The following NEK1 variants were observed in gnomAD, a reference collection of about 807,000 sequenced individuals.
NEK1 encodes the protein serine/threonine-protein kinase Nek1.
A neutral mutation model predicts 182.1 loss-of-function variants in NEK1; 137 were observed. That is an observed-to-expected ratio of 0.75 (90% confidence interval 0.65 to 0.87). NEK1 has a LOEUF of 0.87. NEK1 is among the 40% of genes least tolerant of loss of function. The pLI is 0.00. For synonymous variants in NEK1, 513 were observed against 492.2 expected (o/e 1.04, Z -0.56); for missense variants, 1,391 against 1,494.4 (o/e 0.93, Z 1.14).
At chr4:169,453,674 C>A (rs1742282240) in intron 27 of NEK1, among the ~76,000 whole-genome samples, 1 of 152,194 alleles carries the variant, frequency 6.6e-6, no homozygotes, top group Non-Finnish European at 1.5e-5. Context: ...AGTTAACTAG[C>A]CCAACCTATT....
chr4:169,504,927 C>T (rs565379766), intron 23 of NEK1, among the ~76,000 whole-genome samples: 17 of 152,108 alleles, frequency 1.1e-4, no homozygotes, highest in Non-Finnish European at 2.1e-4. Flanking sequence ...TGATAGATAC[C>T]CATTTACCCT....
chr4:169,586,718 GA>G (rs557833569), intron 9 of NEK1, among the ~76,000 whole-genome samples: 3 of 143,246 alleles, frequency 2.1e-5, no homozygotes, highest in South Asian at 2.2e-4. Context: ...CCTTAAGAAA[GA>G]AAAAAAAAAC....
At chr4:169,577,554 T>C (rs1200357952) in intron 11 of NEK1, among the ~76,000 whole-genome samples, 1 of 151,802 alleles carries the variant, frequency 6.6e-6, no homozygotes, top group Non-Finnish European at 1.5e-5. Context: ...GATCACGAGG[T>C]CAGGAGATCT....
chr4:169,423,065 G>A (rs930235567), intron 31 of NEK1, among the ~76,000 whole-genome samples: 8 of 152,058 alleles, frequency 5.3e-5, no homozygotes, highest in Non-Finnish European at 1.5e-5. Flanking sequence ...CAAAATGAAA[G>A]TATACCCAGT....
intron 26 of NEK1, among the ~76,000 whole-genome samples, chr4:169,475,381 T>C (rs768622143): frequency 6.6e-6 from 1 of 152,174 alleles, no homozygotes; most frequent in Non-Finnish European, 1.5e-5. Context: ...TAAATGGGTA[T>C]AATTAGCATT....
At chr4:169,551,059 C>T (rs1761355521) in intron 18 of NEK1, among the ~76,000 whole-genome samples, 1 of 152,150 alleles carries the variant, frequency 6.6e-6, no homozygotes, top group Non-Finnish European at 1.5e-5. Flanking sequence ...TGCACAAGTG[C>T]CCAATTAAAT....
chr4:169,505,498 T>A (rs1383285665), intron 23 of NEK1, among the ~76,000 whole-genome samples: 1 of 152,246 alleles, frequency 6.6e-6, no homozygotes, highest in East Asian at 1.9e-4. Context: ...ATAAAATATA[T>A]GTTACTCTAT....
rs898967564 is a variant in NEK1, at chr4:169,511,651, T to C, written c.1666-2799A>G. On this transcript the variant is annotated intron_variant, in intron 19 of 35. Coordinates refer to ENST00000507142, the MANE Select transcript of NEK1 (RefSeq NM_001199397.3). ...AGGAAACTGACATTGATTCAAATTATAGATATAATCTTTTATTTGTGCCGT... is the reference window on the plus strand; with the variant it reads ...AGGAAACTGACATTGATTCAAATTACAGATATAATCTTTTATTTGTGCCGT... Among the ~76,000 whole-genome samples, 44 of 152,156 alleles carry C rather than the reference T, an allele frequency of 2.9e-4. 1 individual carries two copies. Among genetic ancestry groups the C allele is most frequent in the Non-Finnish European group, 1.0e-4 (7 of 67,970 alleles).
At chr4:169,494,604 T>A (rs762935691) in intron 23 of NEK1, among the ~76,000 whole-genome samples, 9 of 152,226 alleles carry the variant, frequency 5.9e-5, no homozygotes, top group Non-Finnish European at 1.0e-4. Flanking sequence ...ATCCTCTGGG[T>A]ACATACCCAG....
In NEK1 at chr4:169,477,506, G is replaced by A; in HGVS notation, c.2140-9C>T. 6.3e-7 allele frequency: 1 copy of A among 1,587,460 alleles called. No homozygotes were observed. The highest frequency in any genetic ancestry group is 8.6e-7 in the Non-Finnish European group (1 of 1,160,332). ...TCAGTTAAACTACTGTCCTTTAAAT[G>A]CAGATAGATACAGAGGAAGAGATAA... On this transcript the variant is annotated splice_polypyrimidine_tract_variant and intron_variant, in intron 24 of 35. Transcript: ENST00000507142.
intron 23 of NEK1, among the ~76,000 whole-genome samples, chr4:169,498,102 C>A (rs1751703484): frequency 6.6e-6 from 1 of 152,146 alleles, no homozygotes; most frequent in Admixed American, 6.5e-5. Flanking sequence ...GTATTGGATG[C>A]ATATATATTT....
At chr4:169,508,513 T>C (rs1027995934) in intron 20 of NEK1, among the ~76,000 whole-genome samples, 182 bp from the exon 21 acceptor site, 2 of 152,184 alleles carry the variant, frequency 1.3e-5, no homozygotes, top group Non-Finnish European at 2.9e-5. Flanking sequence ...AACAATTTAT[T>C]TCTGAAAAGA....
At chr4:169,598,961 A>G (rs1214819001) in intron 5 of NEK1, 139 bp downstream of exon 5, 2 of 634,186 alleles carry the variant, frequency 3.2e-6, no homozygotes, top group East Asian at 2.7e-5. Context: ...AGAGGTAAAT[A>G]TGAGTAAACT....
chr4:169,429,524 C>G (rs893987031), intron 29 of NEK1, among the ~76,000 whole-genome samples: 11 of 152,170 alleles, frequency 7.2e-5, no homozygotes, highest in African/African-American at 2.4e-4. Flanking sequence ...TGTCATTTCT[C>G]TTCCCCATTG....
At chr4:169,455,015 A>C (rs956560381) in intron 27 of NEK1, among the ~76,000 whole-genome samples, 1 of 152,216 alleles carries the variant, frequency 6.6e-6, no homozygotes, top group African/African-American at 2.4e-5. Context: ...GGATGAGTTC[A>C]TGTCCTTTGC....
chr4:169,436,993 C>T (rs978147440), intron 28 of NEK1, among the ~76,000 whole-genome samples: 2 of 152,130 alleles, frequency 1.3e-5, no homozygotes, highest in Non-Finnish European at 2.9e-5. Context: ...CTTTTGGAAG[C>T]ACTGTGTAAG....
At chr4:169,555,880 A>C (rs775386600) in intron 17 of NEK1, 29 bp from the exon 18 acceptor site, 2 of 1,613,674 alleles carry the variant, frequency 1.2e-6, no homozygotes, top group Non-Finnish European at 1.7e-6. Flanking sequence ...AGTGACTTTC[A>C]TTACTATCTC....
At chr4:169,572,101 T>C (rs374784081) in intron 12 of NEK1, among the ~76,000 whole-genome samples, 1 of 151,538 alleles carries the variant, frequency 6.6e-6, no homozygotes, top group Non-Finnish European at 1.5e-5. Context: ...AGCAGGAGAG[T>C]GTAACGATCT....
At chr4:169,399,982 C>A in intron 35 of NEK1, 1 of 443,660 alleles carries the variant, frequency 2.3e-6, no homozygotes, top group South Asian at 2.6e-5. Context: ...TTTTTAAAAA[C>A]CTCATTCAAA....
Sources: allele counts gnomAD v4.1 joint callset (sites outside exome capture counted in the v4.1 genomes callset), GRCh38; gene constraint gnomAD v4.1.1; transcripts MANE v1.5; gene names NCBI Gene and HGNC (gene_info 2026-07-23, HGNC 2026-07-21).